Variants in SVIL observed in about 807,000 individuals in gnomAD.
SVIL encodes archvillin.
In SVIL, 101 loss-of-function variants were observed where a neutral mutation model predicts 240.4. The observed-to-expected ratio is 0.42, with a 90% CI of 0.36 to 0.50. The LOEUF is 0.50. SVIL is among the 20% of genes least tolerant of loss of function. SVIL has a pLI of 0.01. For synonymous variants in SVIL, 999 were observed against 1,100.0 expected, an observed-to-expected ratio of 0.91 and a Z score of 1.82; for missense variants, 2,512 against 2,818.7, an observed-to-expected ratio of 0.89 and a Z score of 2.46.
chr10:29,590,779 C>G (rs969605412), intron 1 of SVIL, among the ~76,000 whole-genome samples: 4 of 152,158 alleles, frequency 2.6e-5, no homozygotes, highest in African/African-American at 9.7e-5. Flanking sequence ...TCACAGTTAT[C>G]CACATCTAAG....
intron 1 of SVIL, among the ~76,000 whole-genome samples, chr10:29,725,213 C>T (rs1262076733): frequency 6.6e-6 from 1 of 151,952 alleles, no homozygotes; most frequent in Non-Finnish European, 1.5e-5. Context: ...ATCAAAGTTT[C>T]TCCTAGAGCC....
At chr10:29,494,130 T>C (rs1172957770) in intron 20 of SVIL, among the ~76,000 whole-genome samples, 1 of 152,056 alleles carries the variant, frequency 6.6e-6, no homozygotes, top group Non-Finnish European at 1.5e-5. Flanking sequence ...ATGGCACCAC[T>C]GCACTTTAGC....
At position 29,523,878 on chromosome 10, in the gene SVIL, A is replaced by T. The variant is rs760680109; in HGVS notation, c.2736T>A (p.Ser912=). The change falls in exon 15 of 38, where the codon TCT becomes TCA. Residue 912 remains serine, a synonymous_variant. Coordinates refer to ENST00000355867, the MANE Select transcript of SVIL (RefSeq NM_021738.3). ...HNASATDYKF[S]SSIENSDSPV... ...GAGAGTCCGAATTTTCTATTGAAGAAGAAAACTTATAGTCAGTGGCACTTG... is the reference window on the plus strand; with the variant it reads ...GAGAGTCCGAATTTTCTATTGAAGATGAAAACTTATAGTCAGTGGCACTTG... The T allele has an allele frequency of 1.9e-6, 3 of 1,614,248 alleles. No individual in the cohort carries two copies. In the South Asian group the frequency reaches 3.3e-5, roughly 18 times the overall value.
At chr10:29,485,599 ACTTAAGGGC>A (rs1458472676) in intron 26 of SVIL, among the ~76,000 whole-genome samples, 3 of 152,074 alleles carry the variant, frequency 2.0e-5, no homozygotes, top group African/African-American at 4.8e-5. Flanking sequence ...ACCCAATTAA[ACTTAAGGGC>A]CTGCGTGTCT....
At position 29,490,706 on chromosome 10, in the gene SVIL, G is replaced by A. The variant is rs1003343401; in HGVS notation, c.4192+141C>T. On this transcript the variant is annotated intron_variant, in intron 22 of 37. Transcript: ENST00000355867. ...AGTCTAGGTGCGTGCACATGTATGTGCAAACTTACTCCTTTTTACTTCATG... is the reference window on the plus strand; with the variant it reads ...AGTCTAGGTGCGTGCACATGTATGTACAAACTTACTCCTTTTTACTTCATG... 8.1e-6 allele frequency: 8 copies of A among 991,074 alleles called. No individual in the cohort carries two copies. The Admixed American group carries it at 8.5e-5, about 11-fold the overall frequency. 61.4% of individuals were successfully genotyped at this position (991,074 alleles called of 1,614,324 possible). A position where few individuals can be genotyped will look rare whatever the true frequency, so the allele number is the denominator to read the frequency against.
At position 29,578,945 on chromosome 10, in the gene SVIL, T is replaced by C; in HGVS notation, c.-200-9633A>G. On this transcript the variant is annotated intron_variant, in intron 1 of 37. Coordinates refer to ENST00000355867, the MANE Select transcript of SVIL (RefSeq NM_021738.3). ...TTGTCTTTCCTAAAATCTGAAGCCA[T>C]GATGTGAAACAGAAATATTTGCATG... Among the ~76,000 whole-genome samples the C allele has an allele frequency of 1.6e-5, 2 of 124,538 alleles. 1 individual carries two copies. The highest frequency in any genetic ancestry group is 4.6e-4 in the East Asian group (2 of 4,310). The allele number at this position is 124,538 out of a possible 152,430, so 81.7% of individuals were successfully genotyped here. A position where few individuals can be genotyped will look rare whatever the true frequency, so the allele number is the denominator to read the frequency against.
intron 20 of SVIL, among the ~76,000 whole-genome samples, chr10:29,494,678 G>C (rs964503740): frequency 6.6e-6 from 1 of 152,184 alleles, no homozygotes; most frequent in Non-Finnish European, 1.5e-5. Flanking sequence ...TGCTTTCAGA[G>C]TTATAAGCAA....
intron 1 of SVIL, among the ~76,000 whole-genome samples, chr10:29,693,564 A>C (rs1373104923): frequency 6.6e-6 from 1 of 152,206 alleles, no homozygotes; most frequent in Non-Finnish European, 1.5e-5. Flanking sequence ...AGCACCCAGC[A>C]GGACTAAGCT....
chr10:29,592,020 G>A (rs945910846), intron 1 of SVIL, among the ~76,000 whole-genome samples: 2 of 152,240 alleles, frequency 1.3e-5, no homozygotes, highest in African/African-American at 2.4e-5. Flanking sequence ...GGAGGCTGAG[G>A]CAGATGGATC....
rs112363236 is a variant in SVIL, at chr10:29,718,196, C to T, written c.-400+17555G>A. Among the ~76,000 whole-genome samples, 614 of 151,898 alleles carry T rather than the reference C, an allele frequency of 4.0e-3. 3 individuals are homozygous for T. Among genetic ancestry groups the T allele is most frequent in the African/African-American group, 0.014 (588 of 41,380 alleles). The stretch of plus-strand genomic sequence containing the variant: ...CAAAAATTAGCCAGGCGTGGTGGCA[C>T]ATCGCTGTAGATCCAGCTGCTCGGG... On this transcript the variant is annotated intron_variant, in intron 1 of 35. Transcript: ENST00000375400.
At chr10:29,730,328 G>C (rs532803890) in intron 1 of SVIL, among the ~76,000 whole-genome samples, 3 of 152,342 alleles carry the variant, frequency 2.0e-5, no homozygotes, top group Admixed American at 6.5e-5. Context: ...CAATGAAGCT[G>C]TAGAAGAAGA....
In SVIL at chr10:29,567,333, G is replaced by A. The variant is rs546130154; in HGVS notation, c.-143+1922C>T. ...TACAATGACTGTCCAGCACCCATGCGGTGTAAGTCTCCTCCACAATCTGTT... is the reference window on the plus strand; with the variant it reads ...TACAATGACTGTCCAGCACCCATGCAGTGTAAGTCTCCTCCACAATCTGTT... On this transcript the variant is annotated intron_variant, in intron 2 of 37. Transcript: ENST00000355867. Among the ~76,000 whole-genome samples the A allele has an allele frequency of 3.2e-4, 49 of 152,278 alleles. 1 individual carries two copies. The South Asian group carries it at 8.3e-3, about 26-fold the overall frequency.
In SVIL at chr10:29,529,693, GT is replaced by G; in HGVS notation, c.2246+11del. On this transcript the variant is annotated intron_variant, in intron 12 of 37. Transcript: ENST00000355867. ...ACTATAGACAAGGCTGAGAAGTCCT[GT>G]GGGCACTTACGTGGCTGCGATGACC... The G allele has an allele frequency of 6.3e-7, 1 of 1,593,012 alleles. No individual in the cohort carries two copies. The highest frequency in any genetic ancestry group is 8.5e-7 in the Non-Finnish European group (1 of 1,173,400).
At chr10:29,481,240 G>A (rs1169683127) in intron 28 of SVIL, among the ~76,000 whole-genome samples, 4 of 151,560 alleles carry the variant, frequency 2.6e-5, no homozygotes, top group South Asian at 4.2e-4. Flanking sequence ...ATTATTATGG[G>A]TATGATTCGA....
At chr10:29,517,016 C>G (rs1225860016) in intron 16 of SVIL, among the ~76,000 whole-genome samples, 1 of 152,160 alleles carries the variant, frequency 6.6e-6, no homozygotes, top group African/African-American at 2.4e-5. Context: ...TAGGGATGAA[C>G]AGCACACTTA....
chr10:29,504,788 A>T (rs540118090), intron 17 of SVIL, among the ~76,000 whole-genome samples: 2 of 152,338 alleles, frequency 1.3e-5, no homozygotes, highest in South Asian at 4.1e-4. Flanking sequence ...GACAGTTTGG[A>T]GGTTTCTCAC....
chr10:29,577,157 G>A (rs1043989711), intron 1 of SVIL, among the ~76,000 whole-genome samples: 1 of 152,170 alleles, frequency 6.6e-6, no homozygotes, highest in Non-Finnish European at 1.5e-5. Context: ...GGGATTACAG[G>A]TGTGAGCCAC....
At chr10:29,611,353 C>G (rs1241218214) in intron 1 of SVIL, among the ~76,000 whole-genome samples, 1 of 151,898 alleles carries the variant, frequency 6.6e-6, no homozygotes, top group African/African-American at 2.4e-5. Flanking sequence ...GGACTGGATG[C>G]TGGTATGGCC....
intron 32 of SVIL, among the ~76,000 whole-genome samples, 165 bp downstream of exon 32, chr10:29,470,111 C>T (rs1236905224): frequency 6.6e-6 from 1 of 152,184 alleles, no homozygotes; most frequent in Non-Finnish European, 1.5e-5. Context: ...TGTGTGTCCT[C>T]TCTGCTCGGA....
Sources: allele counts gnomAD v4.1 joint callset (sites outside exome capture counted in the v4.1 genomes callset), GRCh38; gene constraint gnomAD v4.1.1; transcripts MANE v1.5; gene names NCBI Gene and HGNC (gene_info 2026-07-23, HGNC 2026-07-21).